CCT3: variants seen among roughly 807,000 people sequenced by gnomAD.
The protein encoded by CCT3 is chaperonin containing TCP1 subunit 3.
CCT3 carries 10 observed loss-of-function variants against 65.3 expected under a neutral mutation model. That is an observed-to-expected ratio of 0.15 (90% CI 0.09 to 0.26). The LOEUF is 0.26. CCT3 is among the 10% of genes least tolerant of loss of function. The pLI, the probability that CCT3 is intolerant of heterozygous loss-of-function variation, is 1.00. For synonymous variants in CCT3, 225 were observed against 242.3 expected (o/e 0.93, Z 0.66); for missense variants, 626 against 708.7 (o/e 0.88, Z 1.33).
chr1:156,321,460 G>T (rs895001925), intron 6 of CCT3, among the ~76,000 whole-genome samples: 1 of 151,768 alleles, frequency 6.6e-6, no homozygotes, highest in African/African-American at 2.4e-5. Flanking sequence ...GTGTCACAGT[G>T]GTCAAAGATG....
In CCT3 at chr1:156,309,148, A is replaced by G. The variant is rs750934221; in HGVS notation, c.*51T>C. On this transcript the variant is annotated 3_prime_UTR_variant, in exon 14 of 14. Transcript: ENST00000295688. ...AGTGTTCCTGGCACTCTGGCTCAGG[A>G]AAAGGGGAGACTCTGCTGGTTCTGT... 4 of 1,252,672 alleles carry G rather than the reference A, an allele frequency of 3.2e-6. No individual in the cohort carries two copies. The highest frequency in any genetic ancestry group is 4.7e-6 in the Non-Finnish European group (4 of 851,942). 77.6% of individuals were successfully genotyped at this position (1,252,672 alleles called of 1,614,324 possible).
At chr1:156,321,264 A>G (rs1664542334) in intron 6 of CCT3, among the ~76,000 whole-genome samples, 1 of 152,200 alleles carries the variant, frequency 6.6e-6, no homozygotes, top group South Asian at 2.1e-4. Context: ...CTTTACACTT[A>G]CATACAAAGA....
intron 11 of CCT3, 73 bp from the exon 12 acceptor site, chr1:156,311,268 C>T: frequency 6.8e-7 from 1 of 1,478,814 alleles, no homozygotes; most frequent in Admixed American, 1.9e-5. Flanking sequence ...AAAAGGACTT[C>T]CTAACTGCCA....
At chr1:156,319,126 T>C in intron 7 of CCT3, 109 bp from the exon 8 acceptor site, 1 of 1,055,082 alleles carries the variant, frequency 9.5e-7, no homozygotes, top group South Asian at 1.7e-5. Flanking sequence ...TTTTTTTTTT[T>C]TTTTGAGATG....
At chr1:156,309,379 C>A in intron 13 of CCT3, 76 bp from the exon 14 acceptor site, 1 of 945,598 alleles carries the variant, frequency 1.1e-6, no homozygotes, top group Non-Finnish European at 1.7e-6. Flanking sequence ...GATCTATCAC[C>A]TAGATGCTAC....
At chr1:156,315,468 C>A (rs542180773) in intron 10 of CCT3, among the ~76,000 whole-genome samples, 2 of 152,282 alleles carry the variant, frequency 1.3e-5, no homozygotes, top group Admixed American at 1.3e-4. Flanking sequence ...CTTGGCCTCC[C>A]AAAGTGCTGG....
At chr1:156,328,424 G>GATT (rs1414006690) in intron 5 of CCT3, among the ~76,000 whole-genome samples, 29 of 152,132 alleles carry the variant, frequency 1.9e-4, no homozygotes, top group Non-Finnish European at 4.4e-5. Context: ...AGGCGGGAAA[G>GATT]GTGGGGAAAA....
At chr1:156,314,002 C>T (rs540502490) in intron 10 of CCT3, among the ~76,000 whole-genome samples, 7 of 150,662 alleles carry the variant, frequency 4.6e-5, no homozygotes, top group South Asian at 2.1e-4. Context: ...GCAGGAGAAT[C>T]GCTTGAACCA....
chr1:156,318,651 T>C (rs1316371630), intron 8 of CCT3, among the ~76,000 whole-genome samples: 1 of 152,188 alleles, frequency 6.6e-6, no homozygotes, highest in Non-Finnish European at 1.5e-5. Context: ...TGGCCAATAC[T>C]AGCTGTATTC....
chr1:156,317,959 G>A (rs995447526), intron 8 of CCT3, among the ~76,000 whole-genome samples: 2 of 151,936 alleles, frequency 1.3e-5, no homozygotes, highest in Admixed American at 6.6e-5. Context: ...TGATCCGCCC[G>A]CCTCTGCCTC....
At chr1:156,317,903 GGGGT>G (rs571856578) in intron 8 of CCT3, among the ~76,000 whole-genome samples, 302 of 151,882 alleles carry the variant, frequency 2.0e-3, no homozygotes, top group South Asian at 5.2e-3. Flanking sequence ...TAGTAGAGAC[GGGGT>G]TTCACCACGT....
At chr1:156,331,335 A>T (rs984284027) in intron 5 of CCT3, among the ~76,000 whole-genome samples, 2 of 152,048 alleles carry the variant, frequency 1.3e-5, no homozygotes, top group African/African-American at 4.8e-5. Flanking sequence ...AAAATAAATA[A>T]TAATAATTTT....
chr1:156,317,263 T>C lies in CCT3; in HGVS notation c.893-16A>G, dbSNP rs766914849. ...TGAGCTAAATCTACAAATCCAAGAG[T>C]AGAGATGTCAAGCTGGGTTCTGAAC... On this transcript the variant is annotated splice_polypyrimidine_tract_variant and intron_variant, in intron 9 of 13. Transcript: ENST00000295688. 1 of 1,612,190 alleles carries C rather than the reference T, an allele frequency of 6.2e-7. No homozygotes were observed. The highest frequency in any genetic ancestry group is 1.1e-5 in the South Asian group (1 of 91,040).
At chr1:156,324,558 G>A (rs564121970) in intron 6 of CCT3, among the ~76,000 whole-genome samples, 77 of 151,934 alleles carry the variant, frequency 5.1e-4, no homozygotes, top group African/African-American at 1.7e-3. Context: ...TGCAATCTCC[G>A]CCCCCTGGTT....
At chr1:156,321,707 C>G (rs1435849375) in intron 6 of CCT3, among the ~76,000 whole-genome samples, 1 of 152,060 alleles carries the variant, frequency 6.6e-6, no homozygotes, top group Non-Finnish European at 1.5e-5. Context: ...AACCCCATCT[C>G]TATTAAAAAT....
chr1:156,330,780 G>A (rs1329709209), intron 5 of CCT3, among the ~76,000 whole-genome samples: 1 of 151,840 alleles, frequency 6.6e-6, no homozygotes. Flanking sequence ...CAGGCACAGT[G>A]GCGGGCACCT....
chr1:156,311,552 C>T (rs1664082978), intron 11 of CCT3, among the ~76,000 whole-genome samples: 1 of 152,192 alleles, frequency 6.6e-6, no homozygotes, highest in South Asian at 2.1e-4. Flanking sequence ...ACCTATTCCA[C>T]CCCTTCCTAG....
chr1:156,320,706 C>A lies in CCT3; in HGVS notation c.609+133G>T, dbSNP rs557619720. On this transcript the variant is annotated intron_variant, in intron 7 of 13. Coordinates refer to ENST00000295688, the MANE Select transcript of CCT3 (RefSeq NM_005998.5). Reference sequence around the variant, plus strand: ...TGTGACTGTGCCACTATACTCCAGCCTAGGCAACAAGGTGAGACTCTGTCT... The same window carrying A: ...TGTGACTGTGCCACTATACTCCAGCATAGGCAACAAGGTGAGACTCTGTCT... The A allele has an allele frequency of 6.4e-4, 443 of 691,730 alleles. 4 individuals carry two copies. In the South Asian group the frequency reaches 8.1e-3, roughly 13 times the overall value. 42.8% of individuals were successfully genotyped at this position (691,730 alleles called of 1,614,324 possible).
intron 5 of CCT3, among the ~76,000 whole-genome samples, chr1:156,332,473 T>A (rs1247983692): frequency 6.6e-6 from 1 of 152,210 alleles, no homozygotes; most frequent in African/African-American, 2.4e-5. Flanking sequence ...CCAGGGTCAT[T>A]ATCCTAAAGA....
Sources: gnomAD v4.1 joint callset for allele counts (sites outside exome capture counted in the v4.1 genomes callset) on GRCh38, gnomAD v4.1.1 for gene constraint, MANE v1.5 for transcripts, NCBI Gene and HGNC (gene_info 2026-07-23, HGNC 2026-07-21) for gene names.